Variants in JMJD1C observed in about 807,000 individuals in gnomAD.
JMJD1C encodes the protein jumonji domain-containing protein 1C.
Under a neutral mutation model 245.3 loss-of-function variants are expected in JMJD1C, and 31 were observed. The ratio of observed to expected loss-of-function variants is 0.13; its 90% CI spans 0.09 to 0.17. The LOEUF (loss-of-function observed/expected upper bound fraction) is 0.17. Ranked by LOEUF, JMJD1C falls within the 10% of genes least tolerant of loss-of-function variation. JMJD1C has a pLI of 1.00. For missense variants in JMJD1C, 2,691 were observed against 3,000.2 expected (o/e 0.90, Z 2.41); for synonymous variants, 1,057 against 1,017.4 (o/e 1.04, Z -0.74).
chr10:63,276,630 A>C (rs1430122413), intron 2 of JMJD1C, among the ~76,000 whole-genome samples: 1 of 152,096 alleles, frequency 6.6e-6, no homozygotes, highest in Non-Finnish European at 1.5e-5. Flanking sequence ...ACTACGCCCC[A>C]GCTAATCTTT....
intron 1 of JMJD1C, among the ~76,000 whole-genome samples, chr10:63,454,542 T>C (rs1952285374): frequency 1.3e-5 from 2 of 152,086 alleles, no homozygotes; most frequent in Non-Finnish European, 1.5e-5. Context: ...TCATGTCTCA[T>C]GCCTCAGCCC....
At chr10:63,290,453 C>T (rs1858519080) in intron 2 of JMJD1C, among the ~76,000 whole-genome samples, 1 of 152,082 alleles carries the variant, frequency 6.6e-6, no homozygotes, top group Admixed American at 6.6e-5. Context: ...CCCAGCTACT[C>T]AGGAGGCTGA....
At chr10:63,463,261 G>A (rs748477673) in intron 1 of JMJD1C, among the ~76,000 whole-genome samples, 2 of 151,812 alleles carry the variant, frequency 1.3e-5, no homozygotes, top group East Asian at 1.9e-4. Flanking sequence ...ACCTCACTGA[G>A]CTCAGGTGAT....
chr10:63,323,461 A>G (rs1941146603), intron 2 of JMJD1C, among the ~76,000 whole-genome samples: 1 of 152,154 alleles, frequency 6.6e-6, no homozygotes, highest in Non-Finnish European at 1.5e-5. Context: ...CTGAGGTTGC[A>G]GTGAGCCAAG....
At chr10:63,391,672 T>C (rs899375788) in intron 1 of JMJD1C, among the ~76,000 whole-genome samples, 2 of 151,946 alleles carry the variant, frequency 1.3e-5, no homozygotes, top group Non-Finnish European at 2.9e-5. Context: ...TAGAAAGACA[T>C]CCCATGCTCA....
In JMJD1C at chr10:63,264,730, C is replaced by A. The variant is rs768268340; in HGVS notation, c.368G>T (p.Ser123Ile). Residue 123 changes from serine (S) to isoleucine (I), a missense_variant, in exon 3 of 26, where the codon AGT becomes ATT. Ser to Ile is a moderately radical substitution (Grantham distance 142). Coordinates refer to ENST00000399262, the MANE Select transcript of JMJD1C (RefSeq NM_032776.3). Reference protein sequence around the residue: ...FKPLVERNIPSSVTAVEFLVD... With the variant: ...FKPLVERNIPISVTAVEFLVD... ...AAGGAATTCTACTGCAGTGACTGAA[C>A]TGGGTATATTTCTTTCAACCAGAGG... The A allele has an allele frequency of 3.4e-5, 55 of 1,596,218 alleles. No individual in the cohort carries two copies. The highest frequency in any genetic ancestry group is 4.4e-5 in the Non-Finnish European group (51 of 1,170,878).
intron 2 of JMJD1C, among the ~76,000 whole-genome samples, chr10:63,315,777 T>C (rs1178967647): frequency 4.0e-5 from 6 of 149,328 alleles, no homozygotes; most frequent in African/African-American, 1.5e-4. Flanking sequence ...GAGGCAGAGG[T>C]TGCAGTGACC....
chr10:63,311,668 C>A (rs879845896), intron 2 of JMJD1C, among the ~76,000 whole-genome samples: 1 of 152,058 alleles, frequency 6.6e-6, no homozygotes, highest in Non-Finnish European at 1.5e-5. Context: ...ATGTCAGGTT[C>A]AGAAACGTGA....
intron 1 of JMJD1C, among the ~76,000 whole-genome samples, chr10:63,482,232 T>C (rs747937402): frequency 1.3e-4 from 20 of 152,186 alleles, no homozygotes; most frequent in Non-Finnish European, 2.8e-4. Flanking sequence ...TACCAAGACA[T>C]TAAGGACTTA....
chr10:63,298,384 C>T (rs1427025229), intron 2 of JMJD1C, among the ~76,000 whole-genome samples: 1 of 152,160 alleles, frequency 6.6e-6, no homozygotes, highest in East Asian at 1.9e-4. Context: ...GTACCAGAGC[C>T]CTTCCTTGCC....
At chr10:63,299,005 A>G (rs955553026) in intron 2 of JMJD1C, among the ~76,000 whole-genome samples, 1 of 152,082 alleles carries the variant, frequency 6.6e-6, no homozygotes, top group Non-Finnish European at 1.5e-5. Context: ...TGCTGGGATT[A>G]CAGGCATGAG....
chr10:63,500,758 T>G (rs867853649), intron 1 of JMJD1C, among the ~76,000 whole-genome samples: 1 of 147,422 alleles, frequency 6.8e-6, no homozygotes, highest in Non-Finnish European at 1.5e-5. Context: ...GATGGATGGA[T>G]GGATGGATGG....
intron 2 of JMJD1C, among the ~76,000 whole-genome samples, chr10:63,313,918 G>A (rs1170712943): frequency 6.6e-6 from 1 of 152,198 alleles, no homozygotes; most frequent in Non-Finnish European, 1.5e-5. Flanking sequence ...TTGGCATGCA[G>A]AAGCTCTTTA....
At chr10:63,184,787 A>G in intron 20 of JMJD1C, 49 bp from the exon 21 acceptor site, 1 of 1,524,240 alleles carries the variant, frequency 6.6e-7, no homozygotes. Flanking sequence ...TTGCATTGCT[A>G]AGTATTTTCA....
At chr10:63,375,711 C>T (rs1281443997) in intron 2 of JMJD1C, among the ~76,000 whole-genome samples, 3 of 151,892 alleles carry the variant, frequency 2.0e-5, no homozygotes, top group Admixed American at 2.0e-4. Flanking sequence ...CCACCACACT[C>T]GGCTTATTTT....
chr10:63,183,610 T>C, intron 21 of JMJD1C, 41 bp from the exon 22 acceptor site: 11 of 1,197,010 alleles, frequency 9.2e-6, no homozygotes, highest in Non-Finnish European at 1.3e-5. Flanking sequence ...AATATTTATA[T>C]ATATGTAATA....
At chr10:63,403,459 G>C (rs1948984841) in intron 1 of JMJD1C, among the ~76,000 whole-genome samples, 1 of 152,156 alleles carries the variant, frequency 6.6e-6, no homozygotes, top group Non-Finnish European at 1.5e-5. Context: ...TTTGGAATTA[G>C]AACCAGAGAC....
intron 1 of JMJD1C, among the ~76,000 whole-genome samples, chr10:63,459,616 T>C (rs1952646253): frequency 6.6e-6 from 1 of 152,172 alleles, no homozygotes; most frequent in Non-Finnish European, 1.5e-5. Context: ...GCAGAACATA[T>C]CACCCTTTTT....
chr10:63,382,527 G>C (rs1017466150), intron 1 of JMJD1C, among the ~76,000 whole-genome samples: 4 of 151,900 alleles, frequency 2.6e-5, no homozygotes, highest in Non-Finnish European at 4.4e-5. Context: ...CAACAAACTA[G>C]GAACAGGATG....
Sources: gnomAD v4.1 joint callset for allele counts (sites outside exome capture counted in the v4.1 genomes callset) on GRCh38, gnomAD v4.1.1 for gene constraint, MANE v1.5 for transcripts, NCBI Gene and HGNC (gene_info 2026-07-23, HGNC 2026-07-21) for gene names.